The following ATXN1 variants were observed in gnomAD, a reference collection of about 807,000 sequenced individuals.
The protein encoded by ATXN1 is ataxin 1.
A neutral mutation model predicts 56.4 loss-of-function variants in ATXN1; 8 were observed. That is an observed-to-expected ratio of 0.14 (90% CI 0.08 to 0.26). The LOEUF (loss-of-function observed/expected upper bound fraction) is 0.26, where lower values mean the gene tolerates loss of function less well. ATXN1 is among the 10% of genes least tolerant of loss of function. ATXN1 has a pLI of 1.00. For missense variants in ATXN1, 987 were observed against 1,106.5 expected (o/e 0.89, Z 1.53); for synonymous variants, 514 against 494.6 (o/e 1.04, Z -0.52).
chr6:16,493,189 T>TTACTGTAGGAAGATG (rs1469949184), intron 5 of ATXN1, among the ~76,000 whole-genome samples: 1 of 152,218 alleles, frequency 6.6e-6, no homozygotes, highest in Admixed American at 6.5e-5. Flanking sequence ...TTCCTACAGC[T>TTACTGTAGGAAGATG]TACTGAACAT....
rs781780889 is a variant in ATXN1, at chr6:16,328,323, C to T, written c.-13G>A. 1 of 1,497,602 alleles carries T rather than the reference C, an allele frequency of 6.7e-7. No individual in the cohort carries two copies. Among genetic ancestry groups the T allele is most frequent in the Non-Finnish European group, 8.9e-7 (1 of 1,129,330 alleles). 92.8% of individuals were successfully genotyped at this position (1,497,602 alleles called of 1,614,324 possible). On this transcript the variant is annotated 5_prime_UTR_variant, in exon 7 of 8. Coordinates refer to ENST00000436367, the MANE Select transcript of ATXN1 (RefSeq NM_001128164.2). The surrounding 1 kb of genome is among the most constrained non-coding windows in gnomAD (Gnocchi z 6.2). ...GGTTGGATTTCATTTTTCGCCGTCC[C>T]CCCTCCACGGTGACTGTTTCACTGT... is the stretch of plus-strand genomic sequence containing the variant.
intron 2 of ATXN1, among the ~76,000 whole-genome samples, chr6:16,686,705 G>C (rs969691063): frequency 6.6e-6 from 1 of 152,114 alleles, no homozygotes; most frequent in East Asian, 1.9e-4. Flanking sequence ...TTCAAGGCAA[G>C]ATCTTTTAAA....
chr6:16,478,267 T>A (rs1760368458), intron 6 of ATXN1, among the ~76,000 whole-genome samples: 3 of 152,222 alleles, frequency 2.0e-5, no homozygotes, highest in Admixed American at 2.0e-4. Context: ...GGCAAGGAAC[T>A]AGCTTTAGAT....
At chr6:16,729,472 C>T (rs1015573649) in intron 2 of ATXN1, among the ~76,000 whole-genome samples, 1 of 152,192 alleles carries the variant, frequency 6.6e-6, no homozygotes, top group Non-Finnish European at 1.5e-5. Flanking sequence ...ACTCCGGAGT[C>T]AAGCTCTGAA....
chr6:16,311,660 T>A (rs1314549860), intron 7 of ATXN1, among the ~76,000 whole-genome samples: 1 of 152,234 alleles, frequency 6.6e-6, no homozygotes, highest in African/African-American at 2.4e-5. Flanking sequence ...CTGTATCAGA[T>A]GGGGATACCC....
intron 4 of ATXN1, among the ~76,000 whole-genome samples, chr6:16,523,792 G>A (rs1463661431): frequency 1.3e-5 from 2 of 152,158 alleles, no homozygotes; most frequent in Non-Finnish European, 2.9e-5. Flanking sequence ...AACAAAGTGT[G>A]GGAAAGAACA....
At chr6:16,440,730 A>C (rs1328384412) in intron 6 of ATXN1, among the ~76,000 whole-genome samples, 1 of 152,034 alleles carries the variant, frequency 6.6e-6, no homozygotes, top group South Asian at 2.1e-4. Flanking sequence ...AGTTTAAAAA[A>C]ATTTTTCAGA....
intron 6 of ATXN1, among the ~76,000 whole-genome samples, chr6:16,400,284 T>G (rs1758541025): frequency 6.6e-6 from 1 of 152,218 alleles, no homozygotes; most frequent in African/African-American, 2.4e-5. Flanking sequence ...CAACCCAGAC[T>G]GTAACCTTGG....
At chr6:16,451,451 C>A (rs375988160) in intron 6 of ATXN1, among the ~76,000 whole-genome samples, 1 of 151,688 alleles carries the variant, frequency 6.6e-6, no homozygotes, top group South Asian at 2.1e-4. Context: ...GGCGACAGAG[C>A]GAGACTCCGT....
At chr6:16,692,724 T>C (rs1000555937) in intron 2 of ATXN1, among the ~76,000 whole-genome samples, 3 of 152,242 alleles carry the variant, frequency 2.0e-5, no homozygotes, top group Admixed American at 1.3e-4. Context: ...CTGGGCACTT[T>C]ACCTGTATTC....
rs1188606545 is a variant in ATXN1, at chr6:16,417,441, AT to A, written c.-161+68530del. Among the ~76,000 whole-genome samples the A allele has an allele frequency of 3.9e-3, 530 of 136,306 alleles. 9 individuals carry two copies. The highest frequency in any genetic ancestry group is 0.011 in the African/African-American group (406 of 37,970). The allele number at this position is 136,306 out of a possible 152,430, so 89.4% of individuals were successfully genotyped here. A position where few individuals can be genotyped will look rare whatever the true frequency, so the allele number is the denominator to read the frequency against. On this transcript the variant is annotated intron_variant, in intron 6 of 7. Transcript: ENST00000436367. ...AGAGAGAGGGAGTTACAAGTTTCTT[AT>A]TTTTTTTTTTTCTTGAGACGGAGTC...
Position 16,338,895 on chromosome 6 carries a change from C to T in ATXN1, c.-160-10425G>A, listed in dbSNP as rs2113436100. ...ATAATATTTATAAGTGCCCAATGTGCAGACCCCTATGCACACCAACAAGAA... is the reference window on the plus strand; with the variant it reads ...ATAATATTTATAAGTGCCCAATGTGTAGACCCCTATGCACACCAACAAGAA... On this transcript the variant is annotated intron_variant, in intron 6 of 7. Coordinates refer to ENST00000436367, the MANE Select transcript of ATXN1 (RefSeq NM_001128164.2). 1.3e-5 allele frequency among the ~76,000 whole-genome samples: 2 copies of T among 152,208 alleles called. 1 individual carries two copies. The highest frequency in any genetic ancestry group is 4.1e-4 in the South Asian group (2 of 4,824).
At chr6:16,503,593 T>C (rs1760925252) in intron 5 of ATXN1, among the ~76,000 whole-genome samples, 1 of 152,222 alleles carries the variant, frequency 6.6e-6, no homozygotes, top group East Asian at 1.9e-4. Flanking sequence ...TTATTGTTCA[T>C]ATGGCTTTCA....
At chr6:16,620,656 G>A (rs1763304029) in intron 3 of ATXN1, among the ~76,000 whole-genome samples, 1 of 152,210 alleles carries the variant, frequency 6.6e-6, no homozygotes, top group African/African-American at 2.4e-5. Flanking sequence ...AGAAAACAGA[G>A]GTTGTTGATC....
At chr6:16,745,969 T>C (rs1339365491) in intron 2 of ATXN1, among the ~76,000 whole-genome samples, 1 of 151,460 alleles carries the variant, frequency 6.6e-6, no homozygotes. Context: ...TGTGTGTGTG[T>C]GTGTCTGTTT....
At chr6:16,614,358 A>G (rs370798170) in intron 3 of ATXN1, among the ~76,000 whole-genome samples, 1 of 141,290 alleles carries the variant, frequency 7.1e-6, no homozygotes, top group Non-Finnish European at 1.6e-5. Flanking sequence ...ACTCAGCTCT[A>G]CCTCTTGGTG....
intron 3 of ATXN1, among the ~76,000 whole-genome samples, chr6:16,600,171 A>G (rs1387767794): frequency 6.6e-6 from 1 of 152,180 alleles, no homozygotes; most frequent in Non-Finnish European, 1.5e-5. Flanking sequence ...CCTAGCCCCC[A>G]GTATACTTTT....
chr6:16,408,266 G>A (rs754361863), intron 6 of ATXN1, among the ~76,000 whole-genome samples: 4 of 152,080 alleles, frequency 2.6e-5, no homozygotes, highest in Non-Finnish European at 5.9e-5. Context: ...GGGCAGAAAC[G>A]GGAGTTGATA....
chr6:16,657,014 C>T (rs1186046907), intron 3 of ATXN1, among the ~76,000 whole-genome samples: 2 of 140,160 alleles, frequency 1.4e-5, no homozygotes, highest in African/African-American at 2.7e-5. Flanking sequence ...GATGGAGTCT[C>T]GCTCTGTCGC....
Sources: gnomAD v4.1 joint callset for allele counts (sites outside exome capture counted in the v4.1 genomes callset) on GRCh38, gnomAD v4.1.1 for gene constraint, Gnocchi (gnomAD v3.1) non-coding constraint, MANE v1.5 for transcripts, NCBI Gene and HGNC (gene_info 2026-07-23, HGNC 2026-07-21) for gene names.